OXR1: variants seen among roughly 807,000 people sequenced by gnomAD.
The protein encoded by OXR1 is oxidation resistance protein 1.
OXR1 carries 41 observed loss-of-function variants against 104.6 expected under a neutral mutation model. The ratio of observed to expected loss-of-function variants is 0.39; its 90% CI spans 0.31 to 0.51. OXR1 has a LOEUF of 0.51. Ranked by LOEUF, OXR1 falls within the 20% of genes least tolerant of loss-of-function variation. The pLI, the probability that OXR1 is intolerant of heterozygous loss-of-function variation, is 0.77. For synonymous variants in OXR1, 348 were observed against 348.4 expected (o/e 1.00, Z 0.01); for missense variants, 955 against 1,031.9 (o/e 0.93, Z 1.02).
intron 3 of OXR1, among the ~76,000 whole-genome samples, chr8:106,578,649 T>C (rs1489579786): frequency 1.3e-5 from 2 of 152,222 alleles, no homozygotes; most frequent in East Asian, 1.9e-4. Flanking sequence ...CATTGTAAAA[T>C]TGTGACAGGA....
chr8:106,459,426 G>A (rs530198936), intron 2 of OXR1, among the ~76,000 whole-genome samples: 13 of 151,968 alleles, frequency 8.6e-5, no homozygotes, highest in African/African-American at 3.1e-4. Context: ...AGAACTGTGA[G>A]GAATAAATTT....
At chr8:106,703,908 C>A (rs1417115793) in intron 8 of OXR1, among the ~76,000 whole-genome samples, 1 of 152,142 alleles carries the variant, frequency 6.6e-6, no homozygotes, top group African/African-American at 2.4e-5. Flanking sequence ...TTAACTGATA[C>A]TGATATTTAT....
At chr8:106,726,775 T>C (rs535390752) in intron 11 of OXR1, among the ~76,000 whole-genome samples, 23 of 152,312 alleles carry the variant, frequency 1.5e-4, no homozygotes, top group African/African-American at 5.3e-4. Context: ...CAAAAAGTTT[T>C]CAGGCAATGC....
intron 3 of OXR1, among the ~76,000 whole-genome samples, chr8:106,542,481 T>C (rs80307169): frequency 0.049 from 7,474 of 152,238 alleles, 202 homozygotes; most frequent in Middle Eastern, 0.068. Context: ...TAAGAAAAGA[T>C]GTGTTTTACT....
intron 3 of OXR1, among the ~76,000 whole-genome samples, chr8:106,561,074 A>G (rs1352624819): frequency 2.0e-5 from 3 of 151,874 alleles, no homozygotes; most frequent in Admixed American, 6.6e-5. Flanking sequence ...CAAGCACAAA[A>G]CTGGGTGGCC....
rs1355101562 is a variant in OXR1, at chr8:106,703,079, A to G, written c.849A>G (p.Glu283=). Residue 283 remains glutamate (E), a synonymous_variant, in exon 8 of 17, where the codon GAA becomes GAG. Coordinates refer to ENST00000517566, the MANE Select transcript of OXR1 (RefSeq NM_001198533.2). ...AAATTTTGGATAGCAAAATAAAGGA[A>G]TCTTTACCCATGTAAGAGTGATATT... ...YKEILDSKIK[E]SLPIDIDQLS... is the part of the protein sequence containing the mutation. 11 of 1,608,284 alleles carry G rather than the reference A, an allele frequency of 6.8e-6. No homozygotes were observed. Among genetic ancestry groups the G allele is most frequent in the Non-Finnish European group, 8.5e-6 (10 of 1,175,070 alleles).
At chr8:106,701,710 C>G (rs1830595330) in intron 7 of OXR1, among the ~76,000 whole-genome samples, 1 of 152,176 alleles carries the variant, frequency 6.6e-6, no homozygotes, top group Admixed American at 6.5e-5. Context: ...ACTAGCTGGA[C>G]TTCAAATCCT....
chr8:106,324,132 T>C (rs193263672), intron 1 of OXR1, among the ~76,000 whole-genome samples: 20 of 152,256 alleles, frequency 1.3e-4, no homozygotes, highest in African/African-American at 4.1e-4. Flanking sequence ...AATGACAGAT[T>C]GGATAAAGAA....
chr8:106,416,118 A>G (rs17338307), intron 2 of OXR1, among the ~76,000 whole-genome samples: 8,874 of 152,228 alleles, frequency 0.058, 351 homozygotes, highest in Non-Finnish European at 0.087. Flanking sequence ...ATGGCTAATT[A>G]GAGGAGGTGA....
Position 106,612,444 on chromosome 8 carries a change from A to G in OXR1, c.221-66766A>G, listed in dbSNP as rs144308059. The stretch of plus-strand genomic sequence containing the variant: ...AACCTTCATATATAACTTGTTACAT[A>G]TGTATCATTCATTTTCTTCAGATGA... On this transcript the variant is annotated intron_variant, in intron 3 of 16. Transcript: ENST00000517566. 3.2e-3 allele frequency among the ~76,000 whole-genome samples: 488 copies of G among 152,222 alleles called. 2 individuals are homozygous for G. The highest frequency in any genetic ancestry group is 0.011 in the African/African-American group (467 of 41,550).
chr8:106,549,952 A>G (rs1033005354), intron 3 of OXR1, among the ~76,000 whole-genome samples: 1 of 152,214 alleles, frequency 6.6e-6, no homozygotes, highest in African/African-American at 2.4e-5. Context: ...TTGAATAAAA[A>G]CAACTGATAC....
In OXR1 at chr8:106,604,434, G is replaced by A. The variant is rs1041668147; in HGVS notation, c.221-74776G>A. 4.6e-5 allele frequency among the ~76,000 whole-genome samples: 7 copies of A among 152,284 alleles called. No homozygotes were observed. The South Asian group carries it at 1.2e-3, about 27-fold the overall frequency. On this transcript the variant is annotated intron_variant, in intron 3 of 16. Transcript: ENST00000517566. ...GCCTCCCAAAGTGCTGGGATTACAA[G>A]TGTGAGCCACCCGTATACAGTATTA...
chr8:106,287,389 G>A (rs192545896), intron 1 of OXR1, among the ~76,000 whole-genome samples: 197 of 152,176 alleles, frequency 1.3e-3, no homozygotes, highest in Middle Eastern at 3.4e-3. Flanking sequence ...ATAGAACAAG[G>A]TTACTAAGCT....
chr8:106,546,216 G>A (rs1815346304), intron 3 of OXR1, among the ~76,000 whole-genome samples: 1 of 152,114 alleles, frequency 6.6e-6, no homozygotes, highest in Non-Finnish European at 1.5e-5. Flanking sequence ...ACCCACCACA[G>A]TTTTTGTTAG....
chr8:106,479,910 G>A (rs1822014146), intron 2 of OXR1, among the ~76,000 whole-genome samples: 1 of 151,958 alleles, frequency 6.6e-6, no homozygotes, highest in Admixed American at 6.6e-5. Context: ...AGACTTTACT[G>A]GAATGTAAAT....
intron 11 of OXR1, among the ~76,000 whole-genome samples, chr8:106,716,059 G>A (rs1248372410): frequency 6.6e-6 from 1 of 152,112 alleles, no homozygotes; most frequent in Non-Finnish European, 1.5e-5. Flanking sequence ...ATTAAAAACC[G>A]ATACTTGGTT....
rs139481871 is a variant in OXR1 at position 106,529,198 on chromosome 8, T to C, written c.220+10059T>C. On this transcript the variant is annotated intron_variant, in intron 3 of 16. Transcript: ENST00000517566. ...GAGGATATCAAGATTTCAAGTTTAG[T>C]TTTTTGGTTCATTTGTGGATTAATA... Among the ~76,000 whole-genome samples, 1,323 of 152,280 alleles carry C rather than the reference T, an allele frequency of 8.7e-3. 12 individuals are homozygous for C. Among genetic ancestry groups the C allele is most frequent in the Non-Finnish European group, 0.014 (936 of 68,012 alleles).
At chr8:106,417,027 G>C (rs899942415) in intron 2 of OXR1, among the ~76,000 whole-genome samples, 5 of 152,108 alleles carry the variant, frequency 3.3e-5, no homozygotes, top group Non-Finnish European at 5.9e-5. Context: ...AAGGAAGAAT[G>C]AGTACTATAA....
intron 7 of OXR1, among the ~76,000 whole-genome samples, chr8:106,693,424 C>CTTTTTT (rs11384137): frequency 1.4e-4 from 14 of 97,540 alleles, no homozygotes; most frequent in East Asian, 3.0e-4. Context: ...TAGTCAGAAT[C>CTTTTTT]TTTTTTTTTT....
Sources: gnomAD v4.1 joint callset for allele counts (sites outside exome capture counted in the v4.1 genomes callset) on GRCh38, gnomAD v4.1.1 for gene constraint, MANE v1.5 for transcripts, NCBI Gene and HGNC (gene_info 2026-07-23, HGNC 2026-07-21) for gene names.